HUWE1: variants seen among roughly 807,000 people sequenced by gnomAD.
HUWE1 encodes the protein HECT, UBA and WWE domain containing E3 ubiquitin protein ligase 1.
In HUWE1, 18 loss-of-function variants were observed where a neutral mutation model predicts 299.4. The observed-to-expected ratio is 0.06, with a 90% CI of 0.04 to 0.09. The LOEUF is 0.09. HUWE1 is among the 10% of genes least tolerant of loss of function. The probability of loss-of-function intolerance (pLI) is 1.00; values close to 1 mark genes in which losing one functional copy is unlikely to be tolerated. For missense variants in HUWE1, 1,832 were observed against 3,462.3 expected, an observed-to-expected ratio of 0.53 and a Z score of 11.82; for synonymous variants, 1,317 against 1,286.1, an observed-to-expected ratio of 1.02 and a Z score of -0.51.
At chrX:53,680,605 C>G (rs1469844821) in intron 2 of HUWE1, 1 of 112,169 alleles carries the variant, frequency 8.9e-6, no homozygotes, top group African/African-American at 3.3e-5. Flanking sequence ...CGATAAACAT[C>G]CTGGCAACTC....
chrX:53,648,547 A>C (rs1273840156), intron 4 of HUWE1, among the ~76,000 whole-genome samples: 2 of 103,485 alleles, frequency 1.9e-5, no homozygotes, highest in Admixed American at 1.0e-4. Context: ...AAACAAAAAA[A>C]AACAAAAAAC....
At chrX:53,569,004 C>T in intron 48 of HUWE1, 130 bp from the exon 49 acceptor site, 1 of 529,562 alleles carries the variant, frequency 1.9e-6, no homozygotes, top group East Asian at 3.7e-5. Flanking sequence ...TCTAAACAAA[C>T]AGGTGAGAAC....
chrX:53,554,062 T>A (rs911716948), intron 61 of HUWE1, among the ~76,000 whole-genome samples: 5 of 111,089 alleles, frequency 4.5e-5, no homozygotes, highest in African/African-American at 1.6e-4. Context: ...AAGTGTGGGA[T>A]GACATGCTTG....
chrX:53,544,918 G>C, intron 71 of HUWE1, 111 bp downstream of exon 71: 1 of 979,238 alleles, frequency 1.0e-6, no homozygotes, highest in Non-Finnish European at 1.4e-6. Context: ...GTGTGTATAG[G>C]AAAGATACGA....
At chrX:53,581,994 G>A (rs782097477) in intron 42 of HUWE1, among the ~76,000 whole-genome samples, 1 of 111,409 alleles carries the variant, frequency 9.0e-6, no homozygotes, top group South Asian at 3.8e-4. Context: ...CCTCCCATGT[G>A]GCTACACCAA....
At position 53,592,043 on chromosome X, in the gene HUWE1, G is replaced by T. The variant is rs4830378; in HGVS notation, c.3972+355C>A. Among the ~76,000 whole-genome samples the T allele has an allele frequency of 9.7e-3, 1,085 of 111,981 alleles. 55 individuals carry two copies. The highest frequency in any genetic ancestry group is 0.087 in the Admixed American group (918 of 10,582). On this transcript the variant is annotated intron_variant, in intron 33 of 83. Transcript: ENST00000262854. ...AAGTGAAAACAAAAGTTTTGTAGGT[G>T]ACTAAGGTTTCAGAAAGCTCTTGTT...
intron 3 of HUWE1, among the ~76,000 whole-genome samples, chrX:53,678,149 A>C (rs1367975691): frequency 8.9e-6 from 1 of 112,215 alleles, no homozygotes; most frequent in Admixed American, 9.5e-5. Flanking sequence ...TATGCCACCA[A>C]CTGTAATTTT....
chrX:53,650,500 G>A (rs913249271), intron 4 of HUWE1, among the ~76,000 whole-genome samples: 1 of 112,338 alleles, frequency 8.9e-6, no homozygotes, highest in African/African-American at 3.2e-5. Flanking sequence ...TCAATTTAAT[G>A]TACCAGTACT....
chrX:53,618,416 T>C, intron 19 of HUWE1, among the ~76,000 whole-genome samples: 1 of 110,719 alleles, frequency 9.0e-6, no homozygotes, highest in African/African-American at 3.3e-5. Context: ...ATATACGTTA[T>C]GAATGAGAAA....
chrX:53,536,770 A>C, intron 78 of HUWE1, 103 bp from the exon 79 acceptor site: 1 of 733,740 alleles, frequency 1.4e-6, no homozygotes, highest in Non-Finnish European at 2.1e-6. Flanking sequence ...TGGGGAGTGC[A>C]GTGTCAGATG....
intron 2 of HUWE1, chrX:53,684,086 AC>A: frequency 4.0e-6 from 1 of 250,281 alleles, no homozygotes; most frequent in East Asian, 5.7e-5. Context: ...CCTCCCTCCC[AC>A]CAAAGCCGAA....
chrX:53,561,452 G>A (rs1212780381), intron 55 of HUWE1, among the ~76,000 whole-genome samples: 5 of 112,636 alleles, frequency 4.4e-5, no homozygotes, highest in African/African-American at 1.6e-4. Context: ...TGTGCACATG[G>A]GTGCCTGATG....
intron 52 of HUWE1, 91 bp from the exon 53 acceptor site, chrX:53,563,020 G>T: frequency 1.4e-6 from 1 of 734,696 alleles, no homozygotes; most frequent in Non-Finnish European, 2.1e-6. Flanking sequence ...ACACCTAGCA[G>T]ATATCCACTT....
intron 49 of HUWE1, among the ~76,000 whole-genome samples, chrX:53,568,039 T>G (rs2062653105): frequency 8.9e-6 from 1 of 111,984 alleles, no homozygotes; most frequent in Non-Finnish European, 1.9e-5. Flanking sequence ...TTCAACAAGC[T>G]GGAATCATGA....
At chrX:53,614,068 T>C (rs1383365837) in intron 23 of HUWE1, among the ~76,000 whole-genome samples, 2 of 110,884 alleles carry the variant, frequency 1.8e-5, no homozygotes, top group African/African-American at 6.6e-5. Context: ...AGTTTGAGAT[T>C]AGCCTGGTCA....
intron 37 of HUWE1, among the ~76,000 whole-genome samples, chrX:53,587,477 TAACAA>T (rs1381966706): frequency 8.9e-6 from 1 of 112,146 alleles, no homozygotes; most frequent in Non-Finnish European, 1.9e-5. Context: ...TCATAATACT[TAACAA>T]AAAGAATATA....
chrX:53,596,371 G>A (rs2064470022), intron 29 of HUWE1, among the ~76,000 whole-genome samples: 1 of 111,340 alleles, frequency 9.0e-6, no homozygotes, highest in Non-Finnish European at 1.9e-5. Flanking sequence ...TGTCATAAAC[G>A]CATAAAATAT....
At chrX:53,659,999 T>C (rs1462327311) in intron 3 of HUWE1, among the ~76,000 whole-genome samples, 2 of 112,550 alleles carry the variant, frequency 1.8e-5, no homozygotes, top group Non-Finnish European at 3.7e-5. Flanking sequence ...CAACTTGCTC[T>C]AATGCTGTTT....
At chrX:53,577,476 A>AAAAAAAAAC (rs2063171981) in intron 43 of HUWE1, among the ~76,000 whole-genome samples, 1 of 85,609 alleles carries the variant, frequency 1.2e-5, no homozygotes, top group African/African-American at 4.2e-5. Flanking sequence ...AAAAAAAAAA[A>AAAAAAAAAC]CTCCCTCTCC....
Sources: gnomAD v4.1 joint callset for allele counts (sites outside exome capture counted in the v4.1 genomes callset) on GRCh38, gnomAD v4.1.1 for gene constraint, MANE v1.5 for transcripts, NCBI Gene and HGNC (gene_info 2026-07-23, HGNC 2026-07-21) for gene names.